The following SPTBN1 variants were observed in gnomAD, a reference collection of about 807,000 sequenced individuals.
SPTBN1 encodes spectrin beta, non-erythrocytic 1.
A neutral mutation model predicts 266.4 loss-of-function variants in SPTBN1; 32 were observed. That is an observed-to-expected ratio of 0.12 (90% CI 0.09 to 0.16). The LOEUF (loss-of-function observed/expected upper bound fraction) is 0.16, where lower values mean the gene tolerates loss of function less well. Among genes scored for constraint, SPTBN1 ranks in the 10% least tolerant of loss-of-function variants. The pLI, the probability that SPTBN1 is intolerant of heterozygous loss-of-function variation, is 1.00. For synonymous variants in SPTBN1, 1,336 were observed against 1,162.2 expected (o/e 1.15, Z -3.04); for missense variants, 2,296 against 3,067.1 (o/e 0.75, Z 5.94).
chr2:54,622,371 A>G lies in SPTBN1; in HGVS notation c.948A>G (p.Glu316=), dbSNP rs2228365. 28,489 of 1,614,102 alleles carry G rather than the reference A, an allele frequency of 0.018. 3,328 individuals carry two copies. In the African/African-American group the frequency reaches 0.29, roughly 16 times the overall value. The change falls in exon 9 of 36, where the codon GAA becomes GAG. Residue 316 remains glutamate (E), a synonymous_variant. Coordinates refer to ENST00000356805, the MANE Select transcript of SPTBN1 (RefSeq NM_003128.3). ...KYESLASDLL[E]WIEQTIIILN... ...AATCACTTGCCTCTGACCTTCTGGA[A>G]TGGATTGAACAAACCATCATCATTC...
chr2:54,630,830 T>A (rs764735831), intron 15 of SPTBN1, 25 bp from the exon 16 acceptor site: 3 of 1,537,332 alleles, frequency 2.0e-6, no homozygotes, highest in Non-Finnish European at 2.6e-6. Flanking sequence ...TTTTTCACAC[T>A]CGCTGTCTGC....
At chr2:54,539,430 A>G (rs1189111700) in intron 2 of SPTBN1, among the ~76,000 whole-genome samples, 6 of 152,258 alleles carry the variant, frequency 3.9e-5, no homozygotes, top group Admixed American at 2.0e-4. Context: ...AAAAAGTTCA[A>G]ACACTGCAGA....
intron 2 of SPTBN1, among the ~76,000 whole-genome samples, chr2:54,555,425 C>G (rs1672810623): frequency 6.6e-6 from 1 of 152,194 alleles, no homozygotes; most frequent in Admixed American, 6.5e-5. Context: ...TTCTTTGTCC[C>G]TTTCCTTTGA....
At chr2:54,659,307 G>A (rs764517118) in intron 31 of SPTBN1, 41 bp downstream of exon 31, 2 of 1,598,690 alleles carry the variant, frequency 1.3e-6, no homozygotes, top group Non-Finnish European at 1.7e-6. Flanking sequence ...CTTAGCCTCG[G>A]TGGCCAATGA....
At chr2:54,571,333 A>G (rs1281046716) in intron 2 of SPTBN1, among the ~76,000 whole-genome samples, 4 of 152,200 alleles carry the variant, frequency 2.6e-5, no homozygotes, top group Admixed American at 1.3e-4. Flanking sequence ...CTTCAGGGGG[A>G]AAGAATAAAT....
chr2:54,513,366 C>T (rs1167353730), intron 1 of SPTBN1, among the ~76,000 whole-genome samples: 1 of 152,042 alleles, frequency 6.6e-6, no homozygotes, highest in Non-Finnish European at 1.5e-5. Flanking sequence ...TATGCATTTC[C>T]ACTTGATAGA....
At chr2:54,464,997 C>T (rs1216274412) in intron 1 of SPTBN1, among the ~76,000 whole-genome samples, 2 of 152,038 alleles carry the variant, frequency 1.3e-5, no homozygotes, top group African/African-American at 2.4e-5. Flanking sequence ...CAGCCTTGGG[C>T]ACCATTTTTT....
intron 9 of SPTBN1, among the ~76,000 whole-genome samples, chr2:54,623,012 A>G (rs559810540): frequency 8.5e-5 from 13 of 152,368 alleles, no homozygotes; most frequent in African/African-American, 2.9e-4. Flanking sequence ...TTTTAAGTTC[A>G]TAATTGTTGA....
Position 54,649,112 on chromosome 2 carries a change from C to T in SPTBN1, c.5124C>T (p.Asp1708=), listed in dbSNP as rs764062758. 19 of 1,613,812 alleles carry T rather than the reference C, an allele frequency of 1.2e-5. No individual in the cohort carries two copies. Among genetic ancestry groups the T allele is most frequent in the East Asian group, 8.9e-5 (4 of 44,892 alleles). Residue 1708 remains aspartate, a synonymous_variant, in exon 25 of 36, where the codon GAC becomes GAT. Transcript: ENST00000356805. This position sits in a 1 kb window ranked among gnomAD's most constrained non-coding sequence, Gnocchi z 6.7. ...HRLFQLNREV[D]DLEQWIAERE... ...TATTCCAGCTCAACCGGGAGGTGGACGACCTGGAGCAGTGGATCGCTGAGA... is the reference window on the plus strand; with the variant it reads ...TATTCCAGCTCAACCGGGAGGTGGATGACCTGGAGCAGTGGATCGCTGAGA...
At chr2:54,612,026 G>A in intron 3 of SPTBN1, 135 bp from the exon 4 acceptor site, 1 of 869,370 alleles carries the variant, frequency 1.2e-6, no homozygotes, top group Non-Finnish European at 1.7e-6. Flanking sequence ...GACTTAATGA[G>A]TACATGTGTT....
intron 19 of SPTBN1, among the ~76,000 whole-genome samples, chr2:54,643,814 T>A (rs528752728): frequency 6.6e-6 from 1 of 152,078 alleles, no homozygotes; most frequent in African/African-American, 2.4e-5. Flanking sequence ...TGAAACCCCA[T>A]CTCTATGAAG....
intron 2 of SPTBN1, chr2:54,557,611 C>G (rs1672961898): frequency 4.8e-6 from 3 of 628,138 alleles, no homozygotes; most frequent in African/African-American, 2.0e-5. Flanking sequence ...TTTCGGTTCC[C>G]TCATCTCCCC....
chr2:54,629,357 G>C lies in SPTBN1; in HGVS notation c.2223G>C (p.Glu741Asp). 1.2e-6 allele frequency: 2 copies of C among 1,614,094 alleles called. No homozygotes were observed. Among genetic ancestry groups the C allele is most frequent in the Non-Finnish European group, 1.7e-6 (2 of 1,180,024 alleles). ...QLSAIRKKRL[E>D]EASLLHQFQA... ...CGGCCATTCGGAAGAAGCGCCTGGA[G>C]GAGGCCTCCCTGCTGCACCAGTTCC... The change falls in exon 14 of 36, where the codon GAG (glutamate) becomes GAC (aspartate). Residue 741 changes from glutamate to aspartate, a missense_variant. By Grantham distance (45) the Glu-to-Asp change is conservative (BLOSUM62 2). Transcript: ENST00000356805.
chr2:54,615,709 A>G (rs919790474), intron 4 of SPTBN1, among the ~76,000 whole-genome samples: 1 of 152,222 alleles, frequency 6.6e-6, no homozygotes, highest in Non-Finnish European at 1.5e-5. Flanking sequence ...TGTTGCAAAT[A>G]TGCTGCCTCT....
At chr2:54,511,499 G>A (rs1280890759) in intron 1 of SPTBN1, among the ~76,000 whole-genome samples, 1 of 152,174 alleles carries the variant, frequency 6.6e-6, no homozygotes, top group East Asian at 1.9e-4. Context: ...GGGTTGTGGG[G>A]ATGGTTTCGG....
intron 1 of SPTBN1, among the ~76,000 whole-genome samples, chr2:54,469,134 A>T (rs541193392): frequency 2.0e-5 from 3 of 152,314 alleles, no homozygotes; most frequent in Admixed American, 1.3e-4. Context: ...AGGACATCAG[A>T]TGGATGGAGG....
intron 1 of SPTBN1, 63 bp downstream of exon 1, chr2:54,456,581 CGCG>C (rs1693041980): frequency 6.6e-6 from 1 of 151,662 alleles, no homozygotes; most frequent in African/African-American, 2.4e-5. Flanking sequence ...GGGTGGGCTC[CGCG>C]GCGGCGGACG....
chr2:54,570,483 C>G (rs1001846140), intron 2 of SPTBN1, among the ~76,000 whole-genome samples: 23 of 152,196 alleles, frequency 1.5e-4, no homozygotes, highest in African/African-American at 5.5e-4. Flanking sequence ...TCTGGAGGCT[C>G]TGTTCTACGC....
intron 23 of SPTBN1, 89 bp from the exon 24 acceptor site, chr2:54,647,042 C>T (rs1679970474): frequency 2.5e-6 from 4 of 1,594,766 alleles, no homozygotes; most frequent in African/African-American, 1.3e-5. Flanking sequence ...GATCCTTCCT[C>T]CTACCCTGCT....
Sources: allele counts gnomAD v4.1 joint callset (sites outside exome capture counted in the v4.1 genomes callset), GRCh38; gene constraint gnomAD v4.1.1; non-coding constraint Gnocchi (gnomAD v3.1); transcripts MANE v1.5; gene names NCBI Gene and HGNC (gene_info 2026-07-23, HGNC 2026-07-21).